SOX5: variants seen among roughly 807,000 people sequenced by gnomAD.
The protein encoded by SOX5 is SRY-box transcription factor 5, also known as transcription factor SOX-5.
In SOX5, 9 loss-of-function variants were observed where a neutral mutation model predicts 92.0. The ratio of observed to expected loss-of-function variants is 0.10; its 90% confidence interval spans 0.06 to 0.17. The LOEUF (loss-of-function observed/expected upper bound fraction) is 0.17. Ranked by LOEUF, SOX5 falls within the 10% of genes least tolerant of loss-of-function variation. SOX5 has a pLI of 1.00. For synonymous variants in SOX5, 344 were observed against 336.3 expected (o/e 1.02, Z -0.25); for missense variants, 642 against 944.5 (o/e 0.68, Z 4.20).
intron 3 of SOX5, among the ~76,000 whole-genome samples, chr12:24,222,991 C>G (rs975787470): frequency 9.8e-5 from 15 of 152,292 alleles, no homozygotes; most frequent in African/African-American, 2.9e-4. Flanking sequence ...CTAAGCATCA[C>G]CACTTTCAAA....
At chr12:23,622,761 T>C (rs2077332727) in intron 8 of SOX5, among the ~76,000 whole-genome samples, 1 of 152,160 alleles carries the variant, frequency 6.6e-6, no homozygotes, top group African/African-American at 2.4e-5. Context: ...ATTAATTTAA[T>C]TGGTAAATAT....
At chr12:23,998,309 T>G (rs953373752) in intron 4 of SOX5, among the ~76,000 whole-genome samples, 4 of 152,156 alleles carry the variant, frequency 2.6e-5, no homozygotes, top group African/African-American at 9.7e-5. Flanking sequence ...AAAATTTTAC[T>G]GGAGGGGCTC....
At chr12:24,407,085 A>T (rs1250920750) in intron 1 of SOX5, among the ~76,000 whole-genome samples, 2 of 152,126 alleles carry the variant, frequency 1.3e-5, no homozygotes, top group Non-Finnish European at 2.9e-5. Context: ...TGGCAATGCA[A>T]AAAACAAAAA....
intron 4 of SOX5, among the ~76,000 whole-genome samples, chr12:24,172,100 C>T (rs534526412): frequency 5.6e-5 from 7 of 125,674 alleles, no homozygotes; most frequent in South Asian, 4.8e-4. Flanking sequence ...TGTGCGTGCG[C>T]GCGTGTGTGT....
At chr12:24,245,290 T>C (rs1318091897) in intron 3 of SOX5, among the ~76,000 whole-genome samples, 5 of 150,530 alleles carry the variant, frequency 3.3e-5, no homozygotes, top group Non-Finnish European at 7.4e-5. Context: ...CTACTTACTA[T>C]AGTAATCCCA....
rs556192978 is a variant in SOX5 at position 23,929,030 on chromosome 12, A to T, written c.38+20534T>A. 1.8e-3 allele frequency among the ~76,000 whole-genome samples: 246 copies of T among 138,408 alleles called. 2 individuals are homozygous for T. The highest frequency in any genetic ancestry group is 5.5e-3 in the African/African-American group (207 of 37,932). 90.8% of individuals were successfully genotyped at this position (138,408 alleles called of 152,430 possible). ...GTGACTGCTCTGGTAGTGTTTTTTT[A>T]AAAAAATGCCTTCTACGAAACAAAA... On this transcript the variant is annotated intron_variant, in intron 1 of 14. Transcript: ENST00000451604.
chr12:24,183,599 A>G (rs1955724620), intron 4 of SOX5, among the ~76,000 whole-genome samples: 1 of 152,176 alleles, frequency 6.6e-6, no homozygotes, highest in Non-Finnish European at 1.5e-5. Context: ...GATTGAAAGC[A>G]ACGTATTTTA....
At chr12:24,108,633 G>T (rs1475780340) in intron 4 of SOX5, among the ~76,000 whole-genome samples, 1 of 152,098 alleles carries the variant, frequency 6.6e-6, no homozygotes, top group East Asian at 1.9e-4. Flanking sequence ...AAGTGGAATA[G>T]ACATTTGTTT....
intron 3 of SOX5, among the ~76,000 whole-genome samples, chr12:24,214,559 GT>G (rs1959016455): frequency 6.6e-6 from 1 of 152,024 alleles, no homozygotes; most frequent in Non-Finnish European, 1.5e-5. Context: ...ACTTCAAGAT[GT>G]TTATGCATTT....
intron 1 of SOX5, among the ~76,000 whole-genome samples, chr12:24,416,583 T>C (rs1339137649): frequency 6.6e-6 from 1 of 152,196 alleles, no homozygotes; most frequent in African/African-American, 2.4e-5. Context: ...TGAGCTAATG[T>C]TTCAATTCCT....
At chr12:23,736,158 T>TAAA (rs200769598) in intron 5 of SOX5, among the ~76,000 whole-genome samples, 2 of 142,382 alleles carry the variant, frequency 1.4e-5, no homozygotes, top group Non-Finnish European at 3.1e-5. Flanking sequence ...ACATTTTTAT[T>TAAA]AAAAAAAAAA....
intron 8 of SOX5, chr12:23,638,432 T>A (rs2079565650): frequency 6.6e-6 from 1 of 152,148 alleles, no homozygotes; most frequent in Non-Finnish European, 1.5e-5. Flanking sequence ...TATTAAGATA[T>A]GGAAAATAGA....
At chr12:24,452,728 A>G (rs1355004) in intron 1 of SOX5, among the ~76,000 whole-genome samples, 44,922 of 152,062 alleles carry the variant, frequency 0.3, 6,866 homozygotes, top group Middle Eastern at 0.35. Context: ...AGAAGAATCC[A>G]AGGATAAAGG....
chr12:23,656,455 C>G (rs2035270), intron 7 of SOX5, among the ~76,000 whole-genome samples: 111,123 of 152,008 alleles, frequency 0.73, 41,383 homozygotes, highest in African/African-American at 0.89. Context: ...CAAAAATATT[C>G]ATTGTAGCAT....
chr12:24,443,065 C>T (rs2137214908), intron 1 of SOX5, among the ~76,000 whole-genome samples: 1 of 149,964 alleles, frequency 6.7e-6, no homozygotes, highest in South Asian at 2.1e-4. Context: ...AATTCTCCTG[C>T]CTCAGCCTCC....
chr12:23,951,105 C>T (rs1374897704), upstream of SOX5: 13 of 491,678 alleles, frequency 2.6e-5, no homozygotes, highest in Non-Finnish European at 3.3e-5. Flanking sequence ...GAAAAAAAAG[C>T]CTTCCATTGT....
At chr12:23,607,849 A>C (rs1187395520) in intron 8 of SOX5, among the ~76,000 whole-genome samples, 1 of 152,186 alleles carries the variant, frequency 6.6e-6, no homozygotes, top group Non-Finnish European at 1.5e-5. Context: ...TCTTTAAATA[A>C]TAACAGATAA....
intron 4 of SOX5, among the ~76,000 whole-genome samples, chr12:24,129,087 A>G (rs538767112): frequency 2.0e-5 from 3 of 152,314 alleles, no homozygotes; most frequent in African/African-American, 7.2e-5. Context: ...ACTTAACTTC[A>G]CATTGTGATT....
intron 2 of SOX5, among the ~76,000 whole-genome samples, chr12:24,299,326 G>A (rs1947687378): frequency 6.6e-6 from 1 of 152,126 alleles, no homozygotes; most frequent in Admixed American, 6.5e-5. Flanking sequence ...TTACGTGTCA[G>A]AATAAATGGG....
Sources: allele counts gnomAD v4.1 joint callset (sites outside exome capture counted in the v4.1 genomes callset), GRCh38; gene constraint gnomAD v4.1.1; transcripts MANE v1.5; gene names NCBI Gene and HGNC (gene_info 2026-07-23, HGNC 2026-07-21).